PPP1R12A: variants seen among roughly 807,000 people sequenced by gnomAD.
PPP1R12A encodes protein phosphatase 1 regulatory subunit 12A.
PPP1R12A carries 19 observed loss-of-function variants against 139.6 expected under a neutral mutation model. The ratio of observed to expected loss-of-function variants is 0.14; its 90% CI spans 0.09 to 0.20. The LOEUF (loss-of-function observed/expected upper bound fraction) is 0.20, where lower values mean the gene tolerates loss of function less well. Ranked by LOEUF, PPP1R12A falls within the 10% of genes least tolerant of loss-of-function variation. PPP1R12A has a pLI of 1.00. For missense variants in PPP1R12A, 925 were observed against 1,211.5 expected (o/e 0.76, Z 3.51); for synonymous variants, 427 against 420.6 (o/e 1.02, Z -0.19).
intron 5 of PPP1R12A, among the ~76,000 whole-genome samples, chr12:79,823,599 T>C (rs1257490665): frequency 6.6e-6 from 1 of 151,890 alleles, no homozygotes; most frequent in Non-Finnish European, 1.5e-5. Context: ...TATCTTTTTT[T>C]TTTTTTTTTT....
chr12:79,838,635 A>C (rs1174034601), intron 3 of PPP1R12A, among the ~76,000 whole-genome samples: 1 of 152,198 alleles, frequency 6.6e-6, no homozygotes, highest in African/African-American at 2.4e-5. Context: ...CCTAGCTAAA[A>C]GGGGCCAATG....
At chr12:79,845,519 T>C (rs575947433) in intron 2 of PPP1R12A, 99 bp from the exon 3 acceptor site, 3 of 814,732 alleles carry the variant, frequency 3.7e-6, no homozygotes, top group Non-Finnish European at 5.9e-6. Flanking sequence ...AAAGCAGCAA[T>C]AAAGGGCAGT....
intron 2 of PPP1R12A, among the ~76,000 whole-genome samples, chr12:79,871,835 A>AC (rs1287156733): frequency 6.6e-6 from 1 of 152,214 alleles, no homozygotes; most frequent in Non-Finnish European, 1.5e-5. Context: ...GGTTTGAACA[A>AC]CCACTGCTGT....
In PPP1R12A at chr12:79,914,858, T is replaced by TA. The variant is rs748467767; in HGVS notation, c.237+19836_237+19837insT. Among the ~76,000 whole-genome samples, 582 of 144,760 alleles carry TA rather than the reference T, an allele frequency of 4.0e-3. 3 individuals carry two copies. The highest frequency in any genetic ancestry group is 9.6e-3 in the African/African-American group (380 of 39,606). The allele number at this position is 144,760 out of a possible 152,430, so 95.0% of individuals were successfully genotyped here. A position where few individuals can be genotyped will look rare whatever the true frequency, so the allele number is the denominator to read the frequency against. On this transcript the variant is annotated intron_variant, in intron 1 of 24. Transcript: ENST00000450142. Reference sequence around the variant, plus strand: ...GGAAAACAAAAAATCTGGTTTTCTATTAAAAAAAAAAATCTGGATTTGTTA... The same window carrying TA: ...GGAAAACAAAAAATCTGGTTTTCTATATAAAAAAAAAAATCTGGATTTGTTA...
At chr12:79,812,843 C>A (rs1008210659) in intron 9 of PPP1R12A, among the ~76,000 whole-genome samples, 1 of 152,120 alleles carries the variant, frequency 6.6e-6, no homozygotes, top group Non-Finnish European at 1.5e-5. Context: ...TCAAACTTCA[C>A]AATTATGTTA....
At chr12:79,831,348 T>G (rs564103116) in intron 4 of PPP1R12A, among the ~76,000 whole-genome samples, 2 of 152,224 alleles carry the variant, frequency 1.3e-5, no homozygotes, top group South Asian at 4.1e-4. Context: ...TTTGGGAGGC[T>G]GAGGCAGGCA....
intron 9 of PPP1R12A, among the ~76,000 whole-genome samples, chr12:79,812,391 C>CGTGTGTGTGTGTGTGTGTGTGTGT (rs1156924649): frequency 1.9e-4 from 26 of 134,610 alleles, no homozygotes; most frequent in African/African-American, 6.8e-4. Context: ...TCTGTGTGTG[C>CGTGTGTGTGTGTGTGTGTGTGTGT]GTGTGTGTGT....
chr12:79,817,495 C>T lies in PPP1R12A; in HGVS notation c.1138G>A (p.Val380Ile), dbSNP rs1875553859. 1 of 1,596,536 alleles carries T rather than the reference C, an allele frequency of 6.3e-7. No individual in the cohort carries two copies. Among genetic ancestry groups the T allele is most frequent in the Non-Finnish European group, 8.5e-7 (1 of 1,170,016 alleles). ...GTACTAGAAGTGTTGGCATTAGTTA[C>T]AGAAGCCAGGGGTTTTGTCTTATCT... ...ETDKTKPLASVTNANTSSTQA... is the reference protein window; with the variant it reads ...ETDKTKPLASITNANTSSTQA... The change falls in exon 9 of 25, where the codon GTA becomes ATA. Residue 380 changes from valine to isoleucine, a missense_variant. Coordinates refer to ENST00000450142, the MANE Select transcript of PPP1R12A (RefSeq NM_002480.3).
chr12:79,849,295 G>A (rs1879772539), intron 2 of PPP1R12A, among the ~76,000 whole-genome samples: 2 of 152,076 alleles, frequency 1.3e-5, no homozygotes, highest in Non-Finnish European at 2.9e-5. Context: ...GCTAAGACAG[G>A]AGAATCACTT....
rs762075476 is a variant in PPP1R12A at position 79,809,969 on chromosome 12, CTCT to C, written c.1278_1280del (p.Glu427del). On this transcript the variant is annotated inframe_deletion, in exon 10 of 25. Transcript: ENST00000450142. ...AAGTTGCAGGAGACTCATCTTTTCT[CTCT>C]TCTTCTTTGGGAGAAATTTTTGTAG... 7 of 1,613,142 alleles carry C rather than the reference CTCT, an allele frequency of 4.3e-6. No individual in the cohort carries two copies. In the Admixed American group the frequency reaches 5.0e-5, roughly 12 times the overall value.
intron 1 of PPP1R12A, among the ~76,000 whole-genome samples, chr12:79,892,634 C>G (rs1307047211): frequency 6.6e-6 from 1 of 152,118 alleles, no homozygotes; most frequent in Non-Finnish European, 1.5e-5. Context: ...AAGCATATCA[C>G]TATCCTGTCA....
At chr12:79,934,037 G>T (rs1031212808) in intron 1 of PPP1R12A, among the ~76,000 whole-genome samples, 4 of 139,034 alleles carry the variant, frequency 2.9e-5, no homozygotes, top group Non-Finnish European at 6.5e-5. Flanking sequence ...CCCTTTAGAG[G>T]GCTTCCTTAC....
intron 1 of PPP1R12A, among the ~76,000 whole-genome samples, chr12:79,903,173 C>T (rs756011641): frequency 2.0e-5 from 3 of 152,028 alleles, no homozygotes; most frequent in African/African-American, 4.8e-5. Context: ...TCATATAGGC[C>T]GGGCGTGGTG....
At chr12:79,790,762 G>A (rs901063898) in intron 19 of PPP1R12A, among the ~76,000 whole-genome samples, 3 of 152,120 alleles carry the variant, frequency 2.0e-5, no homozygotes, top group East Asian at 1.9e-4. Flanking sequence ...TATCTAAATC[G>A]TGAAATGATT....
In PPP1R12A at chr12:79,797,321, T is replaced by C. The variant is rs749084000; in HGVS notation, c.2166A>G (p.Gln722=). ...CCTCTTTTTCTTTTTCTTCATTTTC[T>C]TGTTCTCTGGTTCGGGTAGAACGAC... ...GRSRSTRTRE[Q]ENEEKEKEEK... is the part of the protein sequence containing the mutation. The change falls in exon 16 of 25, where the codon CAA becomes CAG. Residue 722 remains glutamine (Q), a synonymous_variant. Transcript: ENST00000450142. 1 of 1,599,558 alleles carries C rather than the reference T, an allele frequency of 6.3e-7. No individual in the cohort carries two copies.
intron 1 of PPP1R12A, among the ~76,000 whole-genome samples, chr12:79,874,702 A>G (rs1882934188): frequency 6.6e-6 from 1 of 152,190 alleles, no homozygotes; most frequent in Non-Finnish European, 1.5e-5. Context: ...CCTAAAGTAA[A>G]TAAGAAGGGA....
chr12:79,860,357 C>T (rs1881180549), intron 2 of PPP1R12A, among the ~76,000 whole-genome samples: 1 of 151,812 alleles, frequency 6.6e-6, no homozygotes, highest in African/African-American at 2.4e-5. Flanking sequence ...TTCAATTAAC[C>T]AACATTCATT....
chr12:79,841,424 C>T (rs1335921253), intron 3 of PPP1R12A, among the ~76,000 whole-genome samples: 2 of 152,180 alleles, frequency 1.3e-5, no homozygotes, highest in Non-Finnish European at 2.9e-5. Flanking sequence ...CTTCGTTTGA[C>T]ACTTCTGCTA....
At chr12:79,902,461 G>C (rs1885734112) in intron 1 of PPP1R12A, among the ~76,000 whole-genome samples, 1 of 151,936 alleles carries the variant, frequency 6.6e-6, no homozygotes, top group Non-Finnish European at 1.5e-5. Flanking sequence ...GAAAAAAAGT[G>C]ATATTTTTAT....
Sources: gnomAD v4.1 joint callset for allele counts (sites outside exome capture counted in the v4.1 genomes callset) on GRCh38, gnomAD v4.1.1 for gene constraint, MANE v1.5 for transcripts, NCBI Gene and HGNC (gene_info 2026-07-23, HGNC 2026-07-21) for gene names.